DNMT3A: variants seen among roughly 807,000 people sequenced by gnomAD.
DNMT3A encodes DNA methyltransferase 3 alpha, also known as DNA (cytosine-5)-methyltransferase 3A.
DNMT3A carries 267 observed loss-of-function variants against 117.6 expected under a neutral mutation model. The ratio of observed to expected loss-of-function variants is 2.27; its 90% CI spans 2.05 to 2.51. The LOEUF is 2.51. Ranked by LOEUF, DNMT3A falls within the 30% of genes most tolerant of loss-of-function variation. The pLI is 0.00. For missense variants in DNMT3A, 1,029 were observed against 1,260.2 expected, an observed-to-expected ratio of 0.82 and a Z score of 2.78; for synonymous variants, 432 against 474.8, an observed-to-expected ratio of 0.91 and a Z score of 1.17.
Position 25,275,562 on chromosome 2 carries a change from AAAGGGACC to A in DNMT3A, c.449-27_449-20del. ...TCTTTGCCTGTGGAGAGGGAAGAAC[AAAGGGACC>A]AGTTCGTTGGTCGGCAGAATTACTG... On this transcript the variant is annotated intron_variant, in intron 4 of 22. Coordinates refer to ENST00000321117, the MANE Select transcript of DNMT3A (RefSeq NM_022552.5). 2 of 1,561,914 alleles carry A rather than the reference AAAGGGACC, an allele frequency of 1.3e-6. No individual in the cohort carries two copies. Among genetic ancestry groups the A allele is most frequent in the Non-Finnish European group, 1.7e-6 (2 of 1,162,196 alleles).
rs1272076221 is a variant in DNMT3A, at chr2:25,240,654, C to T, written c.2159G>A (p.Arg720His). Residue 720 changes from arginine to histidine, a missense_variant, in exon 18 of 23, where the codon CGC (arginine) becomes CAC (histidine). Coordinates refer to ENST00000321117, the MANE Select transcript of DNMT3A (RefSeq NM_022552.5). ...CNDLSIVNPARKGLYEGTGRL... is the reference protein window; with the variant it reads ...CNDLSIVNPAHKGLYEGTGRL... ...ATGGTACCTACCGTAGAGGCCCTTG[C>T]GAGCAGGGTTGACGATGGAGAGGTC... is the stretch of plus-strand genomic sequence containing the variant. The T allele has an allele frequency of 1.2e-6, 2 of 1,614,192 alleles. No homozygotes were observed. Among genetic ancestry groups the T allele is most frequent in the Admixed American group, 1.7e-5 (1 of 60,026 alleles).
At chr2:25,249,851 G>A in intron 6 of DNMT3A, 1 of 1,071,954 alleles carries the variant, frequency 9.3e-7, no homozygotes, top group Non-Finnish European at 1.4e-6. Context: ...ATTTAGAGGG[G>A]AGAAAACCCC....
At chr2:25,270,435 A>T (rs973890912) in intron 6 of DNMT3A, among the ~76,000 whole-genome samples, 9 of 152,160 alleles carry the variant, frequency 5.9e-5, no homozygotes, top group Non-Finnish European at 1.3e-4. Context: ...TCAGCTGTGG[A>T]GGCTTCTGGA....
chr2:25,234,426 G>A lies in DNMT3A; in HGVS notation c.2598-6C>T. 1 of 1,611,608 alleles carries A rather than the reference G, an allele frequency of 6.2e-7. No homozygotes were observed. The highest frequency in any genetic ancestry group is 8.5e-7 in the Non-Finnish European group (1 of 1,178,620). Reference sequence around the variant, plus strand: ...GGACTGGGAAACCAAATACCCTGGGGGAGAAAAGGCAGAGAGGGCAGGGTG... The same window carrying A: ...GGACTGGGAAACCAAATACCCTGGGAGAGAAAAGGCAGAGAGGGCAGGGTG... On this transcript the variant is annotated splice_polypyrimidine_tract_variant and splice_region_variant and intron_variant, in intron 22 of 22. Transcript: ENST00000321117. The surrounding 1 kb of genome is among the most constrained non-coding windows in gnomAD (Gnocchi z 4.5).
At position 25,228,200 on chromosome 2, in the gene DNMT3A, T is replaced by TAA. The variant is rs58128643; in HGVS notation, c.*6077_*6078dup. ...TTGTCAATAAATAGAGAAGCAACCC[T>TAA]AAAAAAAAAAAAAAAAAAAAAAAAA... On this transcript the variant is annotated 3_prime_UTR_variant, in exon 23 of 23. Transcript: ENST00000321117. 2 of 2,506 alleles carry TAA rather than the reference T, an allele frequency of 8.0e-4. 1 individual carries two copies. Among genetic ancestry groups the TAA allele is most frequent in the Non-Finnish European group, 1.4e-3 (2 of 1,410 alleles). 0.2% of individuals were successfully genotyped at this position (2,506 alleles called of 1,614,324 possible). A position where few individuals can be genotyped will look rare whatever the true frequency, so the allele number is the denominator to read the frequency against.
rs904755402 is a variant in DNMT3A, at chr2:25,254,337, C to T, written c.640-6085G>A. 4.6e-5 allele frequency among the ~76,000 whole-genome samples: 7 copies of T among 152,046 alleles called. No individual in the cohort carries two copies. The highest frequency in any genetic ancestry group is 7.2e-5 in the African/African-American group (3 of 41,402). ...TGCAGTGAGGGAGCCCCCCCTCCCC[C>T]TGAGGGCCATCAGAGCAAGCAAACC... On this transcript the variant is annotated intron_variant, in intron 6 of 22. Transcript: ENST00000321117. The surrounding 1 kb of genome is among the most constrained non-coding windows in gnomAD (Gnocchi z 4.7).
rs968339561 is a variant in DNMT3A at position 25,306,262 on chromosome 2, G to C, written c.73-6019C>G. 2.0e-5 allele frequency among the ~76,000 whole-genome samples: 3 copies of C among 152,236 alleles called. No individual in the cohort carries two copies. Among genetic ancestry groups the C allele is most frequent in the Non-Finnish European group, 2.9e-5 (2 of 68,042 alleles). On this transcript the variant is annotated intron_variant, in intron 2 of 22. Coordinates refer to ENST00000321117, the MANE Select transcript of DNMT3A (RefSeq NM_022552.5). This position sits in a 1 kb window ranked among gnomAD's most constrained non-coding sequence, Gnocchi z 4.1. ...TGATCCCAGCGTGAGGGGTCAGGCA[G>C]TGGGCTGGGAATCACTGTAGATGCG...
In DNMT3A at chr2:25,319,430, G is replaced by A. The variant is rs185296034; in HGVS notation, c.-177-5269C>T. On this transcript the variant is annotated intron_variant, in intron 1 of 22. Transcript: ENST00000321117. The stretch of plus-strand genomic sequence containing the variant: ...ATCCCAAAGTGCTGGGATTACAGGC[G>A]TAAGCCACCGTGCTGGGCCCTAGTA... Among the ~76,000 whole-genome samples, 9 of 152,184 alleles carry A rather than the reference G, an allele frequency of 5.9e-5. No individual in the cohort carries two copies. In the East Asian group the frequency reaches 1.2e-3, roughly 20 times the overall value.
intron 1 of DNMT3A, among the ~76,000 whole-genome samples, chr2:25,331,228 G>A (rs2035002759): frequency 6.6e-6 from 1 of 152,218 alleles, no homozygotes; most frequent in South Asian, 2.1e-4. Flanking sequence ...CCCCAGCCTG[G>A]TGGCCCCAGC....
chr2:25,280,311 C>T (rs1165432178), intron 4 of DNMT3A, among the ~76,000 whole-genome samples: 2 of 130,896 alleles, frequency 1.5e-5, no homozygotes, highest in African/African-American at 5.7e-5. Context: ...CCCCACCCCC[C>T]GCCTCCCCGC....
rs572241199 is a variant in DNMT3A, at chr2:25,260,114, A to AT, written c.640-11863dup. On this transcript the variant is annotated intron_variant, in intron 6 of 22. Transcript: ENST00000321117. ...GGTACATCACTAAATTCCCAACGTGATTAACCTGGCCCAGGTTTAAACAAA... is the reference window on the plus strand; with the variant it reads ...GGTACATCACTAAATTCCCAACGTGATTTAACCTGGCCCAGGTTTAAACAAA... Among the ~76,000 whole-genome samples, 5 of 152,340 alleles carry AT rather than the reference A, an allele frequency of 3.3e-5. No homozygotes were observed. The South Asian group carries it at 1.0e-3, about 32-fold the overall frequency.
At chr2:25,279,118 T>C (rs2031688826) in intron 4 of DNMT3A, among the ~76,000 whole-genome samples, 1 of 152,200 alleles carries the variant, frequency 6.6e-6, no homozygotes, top group Non-Finnish European at 1.5e-5. Context: ...ATCATCATTA[T>C]GGCATTAATG....
At chr2:25,340,413 G>A (rs2035371520) in intron 1 of DNMT3A, among the ~76,000 whole-genome samples, 1 of 152,194 alleles carries the variant, frequency 6.6e-6, no homozygotes, top group Non-Finnish European at 1.5e-5. Context: ...CTTCAGGAAA[G>A]CGAAAAGCAG....
At chr2:25,292,200 A>G (rs1420766583) in intron 3 of DNMT3A, among the ~76,000 whole-genome samples, 1 of 151,860 alleles carries the variant, frequency 6.6e-6, no homozygotes, top group African/African-American at 2.4e-5. Context: ...AAAAAAAAAA[A>G]TTAGCCAGGC....
In DNMT3A at chr2:25,304,019, C is replaced by T. The variant is rs989253441; in HGVS notation, c.73-3776G>A. Among the ~76,000 whole-genome samples the T allele has an allele frequency of 7.2e-5, 11 of 152,238 alleles. No individual in the cohort carries two copies. Among genetic ancestry groups the T allele is most frequent in the African/African-American group, 2.7e-4 (11 of 41,458 alleles). ...CCTGAATTAGGAGGCGTTGCTAATA[C>T]TCTGAAAGAAAAGAATCTGATCCGT... On this transcript the variant is annotated intron_variant, in intron 2 of 22. Coordinates refer to ENST00000321117, the MANE Select transcript of DNMT3A (RefSeq NM_022552.5). This position sits in a 1 kb window ranked among gnomAD's most constrained non-coding sequence, Gnocchi z 4.3.
chr2:25,234,322 CG>C lies in DNMT3A; in HGVS notation c.2695del (p.Arg899AlafsTer7), dbSNP rs1673079909. 2 of 1,614,002 alleles carry C rather than the reference CG, an allele frequency of 1.2e-6. No homozygotes were observed. Among genetic ancestry groups the C allele is most frequent in the Non-Finnish European group, 1.7e-6 (2 of 1,179,934 alleles). On this transcript the variant is annotated frameshift_variant, in exon 23 of 23. Coordinates refer to ENST00000321117, the MANE Select transcript of DNMT3A (RefSeq NM_022552.5). LOFTEE classifies it high-confidence loss of function. The surrounding 1 kb of genome is among the most constrained non-coding windows in gnomAD (Gnocchi z 4.5). ...LGRSWSVPVI[R>X]HLFAPLKEYF... Reference sequence around the variant, plus strand: ...CTCCTTCAGCGGAGCGAAGAGGTGGCGGATGACTGGCACGCTCCATGACCGG... The same window carrying C: ...CTCCTTCAGCGGAGCGAAGAGGTGGCGATGACTGGCACGCTCCATGACCGG...
intron 6 of DNMT3A, among the ~76,000 whole-genome samples, chr2:25,273,293 G>A (rs778305602): frequency 1.6e-4 from 24 of 151,912 alleles, no homozygotes; most frequent in Non-Finnish European, 2.2e-4. Flanking sequence ...TGTATTTTTG[G>A]TAGAGACAGG....
rs1166204301 is a variant in DNMT3A, at chr2:25,236,787, C to G, written c.2478+149G>C. The G allele has an allele frequency of 7.7e-6, 6 of 780,392 alleles. No individual in the cohort carries two copies. The highest frequency in any genetic ancestry group is 1.2e-5 in the Non-Finnish European group (6 of 517,946). The allele number at this position is 780,392 out of a possible 1,614,324, so 48.3% of individuals were successfully genotyped here. On this transcript the variant is annotated intron_variant, in intron 21 of 22. Coordinates refer to ENST00000321117, the MANE Select transcript of DNMT3A (RefSeq NM_022552.5). This position sits in a 1 kb window ranked among gnomAD's most constrained non-coding sequence, Gnocchi z 4.5. ...CAGCCCTGGGCCCTCCTCTGGCTGC[C>G]CTGCTGCATGACCCTGCACCGTCTC... is the stretch of plus-strand genomic sequence containing the variant.
chr2:25,341,238 C>A (rs1353518903), intron 1 of DNMT3A, among the ~76,000 whole-genome samples: 3 of 144,424 alleles, frequency 2.1e-5, no homozygotes, highest in Non-Finnish European at 4.6e-5. Context: ...GGGGCCGGGT[C>A]GTGCCAGGCT....
Sources: allele counts gnomAD v4.1 joint callset (sites outside exome capture counted in the v4.1 genomes callset), GRCh38; gene constraint gnomAD v4.1.1; non-coding constraint Gnocchi (gnomAD v3.1); transcripts MANE v1.5; gene names NCBI Gene and HGNC (gene_info 2026-07-23, HGNC 2026-07-21).